The following NTNG1 variants were observed in gnomAD, a reference collection of about 807,000 sequenced individuals.
NTNG1 encodes the protein netrin-G1.
NTNG1 carries 16 observed loss-of-function variants against 54.0 expected under a neutral mutation model. The observed-to-expected ratio is 0.30, with a 90% confidence interval of 0.20 to 0.45. The LOEUF (loss-of-function observed/expected upper bound fraction) is 0.45, where lower values mean the gene tolerates loss of function less well. Ranked by LOEUF, NTNG1 falls within the 20% of genes least tolerant of loss-of-function variation. NTNG1 has a pLI of 1.00. For synonymous variants in NTNG1, 255 were observed against 263.1 expected (o/e 0.97, Z 0.30); for missense variants, 530 against 678.7 (o/e 0.78, Z 2.43).
intron 7 of NTNG1, among the ~76,000 whole-genome samples, chr1:107,444,092 TC>T (rs376530480): frequency 0.24 from 37,042 of 152,048 alleles, 4,622 homozygotes; most frequent in Middle Eastern, 0.33. Flanking sequence ...GATCGTTTTG[TC>T]TGCTAGATGA....
chr1:107,231,775 C>T (rs1661085776), intron 2 of NTNG1, among the ~76,000 whole-genome samples: 1 of 152,094 alleles, frequency 6.6e-6, no homozygotes, highest in Non-Finnish European at 1.5e-5. Flanking sequence ...ACTTTAGCAT[C>T]TTGGATACTG....
intron 5 of NTNG1, chr1:107,418,610 A>T: frequency 1.2e-6 from 2 of 1,604,210 alleles, no homozygotes; most frequent in Non-Finnish European, 1.7e-6. Context: ...ATATGGCCGA[A>T]TATTTCTTCC....
At chr1:107,317,811 G>T (rs979630796) in intron 2 of NTNG1, among the ~76,000 whole-genome samples, 11 of 152,168 alleles carry the variant, frequency 7.2e-5, no homozygotes, top group African/African-American at 2.7e-4. Flanking sequence ...CTTCAATCAG[G>T]CCCTAAGCTG....
chr1:107,437,997 T>C (rs999567185), intron 7 of NTNG1, among the ~76,000 whole-genome samples: 2 of 152,170 alleles, frequency 1.3e-5, no homozygotes, highest in Non-Finnish European at 2.9e-5. Flanking sequence ...CTGTATATTA[T>C]TTGTATAATA....
chr1:107,194,573 C>T (rs1168653292), intron 2 of NTNG1, among the ~76,000 whole-genome samples: 1 of 151,908 alleles, frequency 6.6e-6, no homozygotes, highest in African/African-American at 2.4e-5. Flanking sequence ...ACATCTGTAT[C>T]CAAGAAAAGA....
chr1:107,305,050 T>C (rs890016512), intron 2 of NTNG1, among the ~76,000 whole-genome samples: 37 of 152,206 alleles, frequency 2.4e-4, no homozygotes, highest in Non-Finnish European at 2.5e-4. Flanking sequence ...TCCATGTCCC[T>C]GCAAAAGACA....
intron 2 of NTNG1, among the ~76,000 whole-genome samples, chr1:107,313,874 A>G (rs1386230990): frequency 6.6e-6 from 1 of 152,086 alleles, no homozygotes; most frequent in South Asian, 2.1e-4. Context: ...CTCTCATGTT[A>G]TTAAATTCAC....
intron 3 of NTNG1, among the ~76,000 whole-genome samples, chr1:107,374,461 A>C (rs1205961165): frequency 6.6e-6 from 1 of 151,958 alleles, no homozygotes; most frequent in Non-Finnish European, 1.5e-5. Flanking sequence ...ATTTTAAACC[A>C]TTTCTATTGC....
intron 7 of NTNG1, chr1:107,455,646 TG>T: frequency 2.0e-6 from 1 of 490,186 alleles, no homozygotes; most frequent in Non-Finnish European, 4.1e-6. Flanking sequence ...AGGTAACTGC[TG>T]TTGCACTGCA....
intron 6 of NTNG1, among the ~76,000 whole-genome samples, chr1:107,435,567 C>T (rs1386489226): frequency 6.6e-6 from 1 of 152,044 alleles, no homozygotes; most frequent in Non-Finnish European, 1.5e-5. Flanking sequence ...AATCAAACCC[C>T]TAGACCCATC....
chr1:107,259,381 T>C, intron 2 of NTNG1, among the ~76,000 whole-genome samples: 1 of 152,174 alleles, frequency 6.6e-6, no homozygotes, highest in Non-Finnish European at 1.5e-5. Context: ...CAAGGTTTCC[T>C]GAAAGGATCA....
At chr1:107,215,895 T>C (rs889847305) in intron 2 of NTNG1, among the ~76,000 whole-genome samples, 2 of 152,138 alleles carry the variant, frequency 1.3e-5, no homozygotes, top group African/African-American at 4.8e-5. Flanking sequence ...TTTAATTTTA[T>C]TGTCTTGCAG....
intron 3 of NTNG1, among the ~76,000 whole-genome samples, chr1:107,374,501 C>T (rs1469546759): frequency 2.6e-5 from 4 of 152,102 alleles, no homozygotes; most frequent in African/African-American, 9.7e-5. Flanking sequence ...ATCATTTCTT[C>T]TAATTTCATT....
At chr1:107,419,451 A>T (rs560159711) in intron 5 of NTNG1, among the ~76,000 whole-genome samples, 11 of 152,112 alleles carry the variant, frequency 7.2e-5, no homozygotes, top group African/African-American at 2.2e-4. Flanking sequence ...TGATAGACAG[A>T]AATGTGATTA....
chr1:107,192,246 A>AT (rs112969441), intron 2 of NTNG1, among the ~76,000 whole-genome samples: 11,834 of 151,834 alleles, frequency 0.078, 1,472 homozygotes, highest in African/African-American at 0.27. Context: ...TTATTGGTGT[A>AT]TTTTTTGTAC....
At chr1:107,361,590 G>A (rs899050522) in intron 3 of NTNG1, among the ~76,000 whole-genome samples, 6 of 151,500 alleles carry the variant, frequency 4.0e-5, no homozygotes, top group African/African-American at 1.5e-4. Flanking sequence ...GTTTCAGCAC[G>A]TTGGTCAGGC....
intron 2 of NTNG1, among the ~76,000 whole-genome samples, chr1:107,275,308 T>C (rs4326651): frequency 0.06 from 9,098 of 151,440 alleles, 871 homozygotes; most frequent in African/African-American, 0.21. Flanking sequence ...ATCCGGGAGG[T>C]GGAGGTTGTA....
chr1:107,324,578 C>G lies in NTNG1; in HGVS notation c.543C>G (p.Asp181Glu). The change falls in exon 3 of 8, where the codon GAC (aspartate) becomes GAG (glutamate). Residue 181 changes from aspartate (D) to glutamate (E), a missense_variant. Asp to Glu is a conservative substitution (Grantham distance 45). Transcript: ENST00000370068. ...AGCCCTATCAGTATTATGCCACAGA[C>G]TGCTTAGATGCTTTTCACATGGATC... ...TWQPYQYYAT[D>E]CLDAFHMDPK... is the part of the protein sequence containing the mutation. 1 of 1,613,722 alleles carries G rather than the reference C, an allele frequency of 6.2e-7. No homozygotes were observed. The highest frequency in any genetic ancestry group is 2.2e-5 in the East Asian group (1 of 44,816).
rs111589921 is a variant in NTNG1, at chr1:107,148,710, G to A, written c.117G>A (p.Thr39=). 9.3e-6 allele frequency: 15 copies of A among 1,613,598 alleles called. No homozygotes were observed. Among genetic ancestry groups the A allele is most frequent in the African/African-American group, 8.0e-5 (6 of 74,860 alleles). ...HYDLCKTQIY[T]EEGKVWDYMA... is the part of the protein sequence containing the mutation. ...ATTTGTGTAAGACTCAGATTTACAC[G>A]GAAGAAGGGAAAGTTTGGGATTACA... The change falls in exon 2 of 8, where the codon ACG becomes ACA. Residue 39 remains threonine, a synonymous_variant. Coordinates refer to ENST00000370068, the MANE Select transcript of NTNG1 (RefSeq NM_001113226.3).
Sources: gnomAD v4.1 joint callset for allele counts (sites outside exome capture counted in the v4.1 genomes callset) on GRCh38, gnomAD v4.1.1 for gene constraint, MANE v1.5 for transcripts, NCBI Gene and HGNC (gene_info 2026-07-23, HGNC 2026-07-21) for gene names.